The following CYP7B1 variants were observed in gnomAD, a reference collection of about 807,000 sequenced individuals.
The protein encoded by CYP7B1 is cytochrome P450 7B1.
CYP7B1 carries 29 observed loss-of-function variants against 42.7 expected under a neutral mutation model. The ratio of observed to expected loss-of-function variants is 0.68; its 90% CI spans 0.51 to 0.93. CYP7B1 has a LOEUF of 0.93. Among genes scored for constraint, CYP7B1 ranks in the 40% least tolerant of loss-of-function variants. The pLI is 0.00. For synonymous variants in CYP7B1, 235 were observed against 218.2 expected, an observed-to-expected ratio of 1.08 and a Z score of -0.68; for missense variants, 655 against 600.5, an observed-to-expected ratio of 1.09 and a Z score of -0.95.
At chr8:64,663,395 C>G (rs1806228224) in intron 1 of CYP7B1, among the ~76,000 whole-genome samples, 1 of 152,134 alleles carries the variant, frequency 6.6e-6, no homozygotes, top group African/African-American at 2.4e-5. Flanking sequence ...GAATAAATGA[C>G]TAAATAAATG....
intron 1 of CYP7B1, among the ~76,000 whole-genome samples, chr8:64,666,583 G>A (rs1436616880): frequency 1.3e-5 from 2 of 152,076 alleles, no homozygotes; most frequent in African/African-American, 4.8e-5. Flanking sequence ...CTGACCCCTG[G>A]GGCAGAAAAC....
At chr8:64,707,746 C>A (rs1413635684) in intron 1 of CYP7B1, among the ~76,000 whole-genome samples, 1 of 151,830 alleles carries the variant, frequency 6.6e-6, no homozygotes, top group Non-Finnish European at 1.5e-5. Context: ...ACTTAAAATC[C>A]AAAATCAAAC....
intron 1 of CYP7B1, among the ~76,000 whole-genome samples, chr8:64,676,441 G>A (rs532873584): frequency 1.3e-5 from 2 of 152,000 alleles, no homozygotes; most frequent in Admixed American, 6.6e-5. Flanking sequence ...TGGATGACCT[G>A]GGTTTTATAC....
At chr8:64,710,372 C>T (rs1415989855) in intron 1 of CYP7B1, among the ~76,000 whole-genome samples, 1 of 152,198 alleles carries the variant, frequency 6.6e-6, no homozygotes, top group Non-Finnish European at 1.5e-5. Context: ...TTCCTTTGTT[C>T]ACATGGTTGC....
chr8:64,692,446 A>G (rs1256697571), intron 1 of CYP7B1, among the ~76,000 whole-genome samples: 2 of 152,228 alleles, frequency 1.3e-5, no homozygotes, highest in African/African-American at 4.8e-5. Context: ...TTCCCTTGAC[A>G]TGCCTAGGTC....
intron 1 of CYP7B1, among the ~76,000 whole-genome samples, chr8:64,637,429 T>C (rs1805789618): frequency 6.6e-6 from 1 of 152,244 alleles, no homozygotes; most frequent in Non-Finnish European, 1.5e-5. Context: ...TTTGGTGTTG[T>C]CATGAGCTAC....
rs1805070766 is a variant in CYP7B1, at chr8:64,593,519, A to C, written c.*3123T>G. Among the ~76,000 whole-genome samples the C allele has an allele frequency of 2.0e-5, 3 of 152,148 alleles. No individual in the cohort carries two copies. In the South Asian group the frequency reaches 6.2e-4, roughly 32 times the overall value. Reference sequence around the variant, plus strand: ...GGGCTAGAAACCACAATACCTATGTAGCGTTCCCTCCCCACTCCCAGATAA... The same window carrying C: ...GGGCTAGAAACCACAATACCTATGTCGCGTTCCCTCCCCACTCCCAGATAA... On this transcript the variant is annotated 3_prime_UTR_variant, in exon 6 of 6. Transcript: ENST00000310193.
chr8:64,707,863 AG>A (rs1807023562), intron 1 of CYP7B1, among the ~76,000 whole-genome samples: 1 of 152,166 alleles, frequency 6.6e-6, no homozygotes, highest in Admixed American at 6.6e-5. Flanking sequence ...TCACTATCAA[AG>A]TATACTCTCT....
rs1008036082 is a variant in CYP7B1, at chr8:64,614,913, A to G, written c.1057+113T>C. Reference sequence around the variant, plus strand: ...TTTATAATTGATGTAAATGGGTGTTATTATGTCAATTAGGCAGCTGTGTCC... The same window carrying G: ...TTTATAATTGATGTAAATGGGTGTTGTTATGTCAATTAGGCAGCTGTGTCC... On this transcript the variant is annotated intron_variant, in intron 4 of 5. Transcript: ENST00000310193. The G allele has an allele frequency of 8.5e-6, 8 of 944,428 alleles. No homozygotes were observed. The East Asian group carries it at 1.5e-4, about 18-fold the overall frequency. The allele number at this position is 944,428 out of a possible 1,614,324, so 58.5% of individuals were successfully genotyped here.
intron 1 of CYP7B1, among the ~76,000 whole-genome samples, chr8:64,763,415 C>T (rs895033367): frequency 6.6e-6 from 1 of 152,172 alleles, no homozygotes; most frequent in African/African-American, 2.4e-5. Context: ...TGGGAGCAGC[C>T]CGCCACCGTC....
chr8:64,616,222 T>C lies in CYP7B1; in HGVS notation c.319A>G (p.Lys107Glu), dbSNP rs1370086356. The change falls in exon 3 of 6, where the codon AAA becomes GAA. Residue 107 changes from lysine to glutamate, a missense_variant. Lys to Glu is a moderately conservative substitution (Grantham distance 56). Coordinates refer to ENST00000310193, the MANE Select transcript of CYP7B1 (RefSeq NM_004820.5). ...GAAAATACTCGAAAGCTTAATTGTT[T>C]ATGATTTTTTATCACTAGCTGGTAC... is the stretch of plus-strand genomic sequence containing the variant. ...FQYQLVIKNH[K>E]QLSFRVFSNK... 1.2e-5 allele frequency: 20 copies of C among 1,610,222 alleles called. No individual in the cohort carries two copies. The highest frequency in any genetic ancestry group is 1.5e-5 in the Non-Finnish European group (18 of 1,178,368).
In CYP7B1 at chr8:64,707,059, A is replaced by G. The variant is rs533571211; in HGVS notation, c.123-82520T>C. ...TTTAAACAATAATAAATTTATATAC[A>G]TTTAGAATTTATACTCCAACAACTC... is the stretch of plus-strand genomic sequence containing the variant. On this transcript the variant is annotated intron_variant, in intron 1 of 5. Transcript: ENST00000310193. Among the ~76,000 whole-genome samples, 18 of 152,152 alleles carry G rather than the reference A, an allele frequency of 1.2e-4. No homozygotes were observed. The South Asian group carries it at 3.7e-3, about 32-fold the overall frequency.
chr8:64,651,133 T>C (rs982578500), intron 1 of CYP7B1, among the ~76,000 whole-genome samples: 1 of 152,216 alleles, frequency 6.6e-6, no homozygotes, highest in East Asian at 1.9e-4. Flanking sequence ...TTTTAGGGGT[T>C]GCTTAATGTT....
intron 1 of CYP7B1, among the ~76,000 whole-genome samples, chr8:64,723,334 CACA>C (rs1195955830): frequency 2.0e-5 from 3 of 152,214 alleles, no homozygotes; most frequent in African/African-American, 7.2e-5. Flanking sequence ...TCTATAATGA[CACA>C]ACATCAAGTT....
intron 1 of CYP7B1, among the ~76,000 whole-genome samples, chr8:64,650,416 G>T (rs1806020816): frequency 6.6e-6 from 1 of 152,180 alleles, no homozygotes; most frequent in African/African-American, 2.4e-5. Context: ...GGGAGGCTGA[G>T]GTGGGCGGAT....
intron 4 of CYP7B1, among the ~76,000 whole-genome samples, chr8:64,609,804 G>T (rs1225628773): frequency 1.3e-5 from 2 of 152,042 alleles, no homozygotes; most frequent in African/African-American, 2.4e-5. Flanking sequence ...AATCACCTGG[G>T]ATTGCTTAAA....
intron 1 of CYP7B1, among the ~76,000 whole-genome samples, chr8:64,782,203 A>G (rs1024316781): frequency 2.0e-5 from 3 of 150,196 alleles, no homozygotes; most frequent in African/African-American, 7.4e-5. Context: ...AGACGACTTC[A>G]CATACACAAA....
chr8:64,661,913 A>G (rs1251622425), intron 1 of CYP7B1, among the ~76,000 whole-genome samples: 1 of 152,212 alleles, frequency 6.6e-6, no homozygotes, highest in African/African-American at 2.4e-5. Flanking sequence ...TGTGGAGGAA[A>G]AAATATTAAC....
chr8:64,621,389 A>G (rs1173822463), intron 2 of CYP7B1, among the ~76,000 whole-genome samples: 1 of 152,246 alleles, frequency 6.6e-6, no homozygotes, highest in Non-Finnish European at 1.5e-5. Flanking sequence ...CACCAAATAT[A>G]GGAGGAGTCA....
Sources: gnomAD v4.1 joint callset for allele counts (sites outside exome capture counted in the v4.1 genomes callset) on GRCh38, gnomAD v4.1.1 for gene constraint, MANE v1.5 for transcripts, NCBI Gene and HGNC (gene_info 2026-07-23, HGNC 2026-07-21) for gene names.